The following ARNT2 variants were observed in gnomAD, a reference collection of about 807,000 sequenced individuals.
The protein encoded by ARNT2 is aryl hydrocarbon receptor nuclear translocator 2, also known as ARNT protein 2.
A neutral mutation model predicts 91.7 loss-of-function variants in ARNT2; 36 were observed. The observed-to-expected ratio is 0.39, with a 90% CI of 0.30 to 0.52. The LOEUF (loss-of-function observed/expected upper bound fraction) is 0.52. Among genes scored for constraint, ARNT2 ranks in the 20% least tolerant of loss-of-function variants. The pLI is 0.72. For synonymous variants in ARNT2, 365 were observed against 347.1 expected, an observed-to-expected ratio of 1.05 and a Z score of -0.57; for missense variants, 775 against 939.3, an observed-to-expected ratio of 0.83 and a Z score of 2.29.
At chr15:80,544,783 C>G (rs780826433) in intron 8 of ARNT2, among the ~76,000 whole-genome samples, 1 of 152,136 alleles carries the variant, frequency 6.6e-6, no homozygotes, top group African/African-American at 2.4e-5. Context: ...GAGAGGCAAA[C>G]TATTTTTGTA....
At chr15:80,461,142 G>C (rs1049326397) in intron 3 of ARNT2, among the ~76,000 whole-genome samples, 7 of 152,244 alleles carry the variant, frequency 4.6e-5, no homozygotes, top group Non-Finnish European at 1.0e-4. Context: ...GCTAACCGAA[G>C]ACAGAGATGT....
At chr15:80,455,062 G>A (rs889740272) in intron 2 of ARNT2, among the ~76,000 whole-genome samples, 1 of 152,088 alleles carries the variant, frequency 6.6e-6, no homozygotes, top group East Asian at 1.9e-4. Flanking sequence ...ATAAAACAAA[G>A]GATGATTTAC....
intron 12 of ARNT2, chr15:80,573,944 T>G (rs1171928722): frequency 4.6e-5 from 26 of 561,728 alleles, no homozygotes; most frequent in East Asian, 8.8e-5. Context: ...CTTAAATAGT[T>G]GAGTTTGGTA....
At chr15:80,529,387 A>T (rs560785497) in intron 8 of ARNT2, among the ~76,000 whole-genome samples, 1 of 152,170 alleles carries the variant, frequency 6.6e-6, no homozygotes, top group Non-Finnish European at 1.5e-5. Context: ...TGGGGGATCC[A>T]TTTCTTTAGG....
rs142666597 is a variant in ARNT2, at chr15:80,502,568, G to A, written c.623-5588G>A. Among the ~76,000 whole-genome samples the A allele has an allele frequency of 4.3e-3, 656 of 152,282 alleles. 1 individual carries two copies. Among genetic ancestry groups the A allele is most frequent in the Non-Finnish European group, 6.1e-3 (416 of 68,020 alleles). ...GGAAGGAGCGTGTCATGCAGGAGTC[G>A]GGTTTTGAAGGGCTTCGGGGACTGA... On this transcript the variant is annotated intron_variant, in intron 5 of 18. Coordinates refer to ENST00000303329, the MANE Select transcript of ARNT2 (RefSeq NM_014862.4).
intron 1 of ARNT2, among the ~76,000 whole-genome samples, chr15:80,412,177 C>T (rs892873109): frequency 6.6e-6 from 1 of 152,164 alleles, no homozygotes; most frequent in African/African-American, 2.4e-5. Context: ...ACAATTTGAC[C>T]ATTTTTTTCA....
rs140966074 is a variant in ARNT2 at position 80,432,756 on chromosome 15, A to G, written c.32-18124A>G. On this transcript the variant is annotated intron_variant, in intron 1 of 18. Transcript: ENST00000303329. ...TTGTCCTCCTCTATAACCAGAAGGT[A>G]TGGTCTCACCATCACAGCTCAGCCT... 2.0e-4 allele frequency among the ~76,000 whole-genome samples: 30 copies of G among 152,188 alleles called. No individual in the cohort carries two copies. In the East Asian group the frequency reaches 4.8e-3, roughly 25 times the overall value.
intron 17 of ARNT2, among the ~76,000 whole-genome samples, chr15:80,585,367 G>A (rs1898877523): frequency 6.6e-6 from 1 of 152,136 alleles, no homozygotes; most frequent in Non-Finnish European, 1.5e-5. Context: ...CAGAAACCAT[G>A]GCAGTAATTT....
intron 1 of ARNT2, among the ~76,000 whole-genome samples, chr15:80,415,916 C>T (rs925076580): frequency 3.9e-5 from 6 of 152,116 alleles, no homozygotes; most frequent in African/African-American, 1.4e-4. Context: ...TCAAGACCTC[C>T]AAGGGAGATG....
intron 5 of ARNT2, among the ~76,000 whole-genome samples, chr15:80,487,254 A>C (rs958053627): frequency 6.6e-6 from 1 of 151,676 alleles, no homozygotes; most frequent in South Asian, 2.1e-4. Context: ...AGTCCTGCCC[A>C]CCTCCCCGTG....
In ARNT2 at chr15:80,591,795, C is replaced by A; in HGVS notation, c.2055+91C>A. On this transcript the variant is annotated intron_variant, in intron 18 of 18. Transcript: ENST00000303329. This position sits in a 1 kb window ranked among gnomAD's most constrained non-coding sequence, Gnocchi z 5.1. ...GGTCTCTGCCGCACCACCGCCTGCC[C>A]GATAGCCGTCGTGAGTTCTGGCCCA... 6.4e-7 allele frequency: 1 copy of A among 1,560,362 alleles called. No individual in the cohort carries two copies. Among genetic ancestry groups the A allele is most frequent in the Non-Finnish European group, 8.7e-7 (1 of 1,149,906 alleles).
chr15:80,490,131 A>G (rs1015322078), intron 5 of ARNT2, among the ~76,000 whole-genome samples: 2 of 152,156 alleles, frequency 1.3e-5, no homozygotes, highest in Non-Finnish European at 2.9e-5. Context: ...GAGAAGCTGG[A>G]TAGGTCAGGA....
At chr15:80,506,710 G>A (rs1005815911) in intron 5 of ARNT2, among the ~76,000 whole-genome samples, 1 of 152,194 alleles carries the variant, frequency 6.6e-6, no homozygotes, top group Non-Finnish European at 1.5e-5. Flanking sequence ...TCCTCAGTAT[G>A]TAAGAGGTGG....
chr15:80,430,110 C>T (rs55957726), intron 1 of ARNT2, among the ~76,000 whole-genome samples: 5 of 152,260 alleles, frequency 3.3e-5, no homozygotes, highest in East Asian at 1.9e-4. Flanking sequence ...TAGGTCTTCT[C>T]CCGAGAATGA....
intron 6 of ARNT2, among the ~76,000 whole-genome samples, chr15:80,513,276 C>T (rs571947593): frequency 6.6e-6 from 1 of 152,144 alleles, no homozygotes; most frequent in African/African-American, 2.4e-5. Flanking sequence ...CCAGAGTGTA[C>T]AGTGTGATGC....
intron 1 of ARNT2, among the ~76,000 whole-genome samples, chr15:80,449,258 G>A (rs1567182451): frequency 6.6e-6 from 1 of 152,150 alleles, no homozygotes; most frequent in African/African-American, 2.4e-5. Context: ...ATCTTAAGGG[G>A]CTGCTGTTCT....
intron 12 of ARNT2, among the ~76,000 whole-genome samples, chr15:80,565,385 T>C (rs1898459792): frequency 6.6e-6 from 1 of 152,240 alleles, no homozygotes; most frequent in Non-Finnish European, 1.5e-5. Context: ...GTAATGGGAT[T>C]GCTGGGTTGA....
At chr15:80,450,823 GC>G (rs1268994666) in intron 1 of ARNT2, 56 bp from the exon 2 acceptor site, 1 of 1,562,972 alleles carries the variant, frequency 6.4e-7, no homozygotes, top group Non-Finnish European at 8.8e-7. Flanking sequence ...CAACTTTCTT[GC>G]CCGTTACTGG....
At chr15:80,588,689 T>C (rs964501787) in intron 17 of ARNT2, among the ~76,000 whole-genome samples, 1 of 152,170 alleles carries the variant, frequency 6.6e-6, no homozygotes, top group African/African-American at 2.4e-5. Context: ...CCCTTTTCTC[T>C]AGAATTATTT....
Sources: allele counts gnomAD v4.1 joint callset (sites outside exome capture counted in the v4.1 genomes callset), GRCh38; gene constraint gnomAD v4.1.1; non-coding constraint Gnocchi (gnomAD v3.1); transcripts MANE v1.5; gene names NCBI Gene and HGNC (gene_info 2026-07-23, HGNC 2026-07-21).